XKR4: variants seen among roughly 807,000 people sequenced by gnomAD.
XKR4 encodes the protein XK-related protein 4.
Under a neutral mutation model 53.9 loss-of-function variants are expected in XKR4, and 12 were observed. The observed-to-expected ratio is 0.22, with a 90% CI of 0.14 to 0.36. The LOEUF (loss-of-function observed/expected upper bound fraction) is 0.36, where lower values mean the gene tolerates loss of function less well. Among genes scored for constraint, XKR4 ranks in the 10% least tolerant of loss-of-function variants. The pLI is 1.00. For synonymous variants in XKR4, 354 were observed against 362.4 expected (o/e 0.98, Z 0.26); for missense variants, 799 against 859.5 (o/e 0.93, Z 0.88).
intron 1 of XKR4, among the ~76,000 whole-genome samples, chr8:55,115,679 A>C (rs964962913): frequency 6.6e-6 from 1 of 152,034 alleles, no homozygotes; most frequent in Non-Finnish European, 1.5e-5. Context: ...GCTACTCTGG[A>C]GGCTAAGGCA....
At chr8:55,389,907 T>A (rs1359389590) in intron 2 of XKR4, among the ~76,000 whole-genome samples, 1 of 152,150 alleles carries the variant, frequency 6.6e-6, no homozygotes, top group African/African-American at 2.4e-5. Flanking sequence ...ATATTTCTCT[T>A]TCCCCCTCTC....
chr8:55,409,325 G>T (rs961209039), intron 2 of XKR4, among the ~76,000 whole-genome samples: 21 of 152,230 alleles, frequency 1.4e-4, no homozygotes, highest in Non-Finnish European at 2.2e-4. Flanking sequence ...CCGAGCTTGT[G>T]GGTGGTGAGA....
Position 55,454,589 on chromosome 8 carries a change from G to T in XKR4, c.1007-68692G>T, listed in dbSNP as rs193178868. On this transcript the variant is annotated intron_variant, in intron 2 of 2. Coordinates refer to ENST00000327381, the MANE Select transcript of XKR4 (RefSeq NM_052898.2). ...GCCAGTGGAGTCTGGATGACCTGCCGGTCACCAGCCCCCAAATAAATCGTC... is the reference window on the plus strand; with the variant it reads ...GCCAGTGGAGTCTGGATGACCTGCCTGTCACCAGCCCCCAAATAAATCGTC... 65 of 1,418,936 alleles carry T rather than the reference G, an allele frequency of 4.6e-5. No individual in the cohort carries two copies. The African/African-American group carries it at 8.2e-4, about 18-fold the overall frequency. 87.9% of individuals were successfully genotyped at this position (1,418,936 alleles called of 1,614,324 possible).
chr8:55,448,208 A>C (rs1407601113), intron 2 of XKR4, among the ~76,000 whole-genome samples: 1 of 152,232 alleles, frequency 6.6e-6, no homozygotes, highest in Non-Finnish European at 1.5e-5. Flanking sequence ...CAATTTATTA[A>C]ACTTCATTTT....
chr8:55,207,948 C>T (rs750694316), intron 1 of XKR4, among the ~76,000 whole-genome samples: 3 of 152,114 alleles, frequency 2.0e-5, no homozygotes, highest in South Asian at 2.1e-4. Context: ...TGTTTGGAGA[C>T]GACATTTGAC....
At chr8:55,169,646 A>G (rs1046743849) in intron 1 of XKR4, among the ~76,000 whole-genome samples, 10 of 152,226 alleles carry the variant, frequency 6.6e-5, no homozygotes, top group Non-Finnish European at 1.3e-4. Context: ...TGTCAGAAAC[A>G]CAGTAGTGTG....
At chr8:55,310,389 A>G (rs1819371715) in intron 1 of XKR4, among the ~76,000 whole-genome samples, 1 of 152,212 alleles carries the variant, frequency 6.6e-6, no homozygotes, top group Non-Finnish European at 1.5e-5. Flanking sequence ...TTCCTATTTT[A>G]TAGAACATTG....
intron 2 of XKR4, among the ~76,000 whole-genome samples, chr8:55,457,948 C>CA (rs34211333): frequency 0.13 from 19,655 of 151,684 alleles, 1,805 homozygotes; most frequent in East Asian, 0.41. Flanking sequence ...GAACTACACA[C>CA]AAAAAAACCA....
At chr8:55,355,428 G>T (rs896032042) in intron 1 of XKR4, among the ~76,000 whole-genome samples, 1 of 152,070 alleles carries the variant, frequency 6.6e-6, no homozygotes, top group South Asian at 2.1e-4. Context: ...GAAAGACAAA[G>T]CAATGGATTA....
intron 1 of XKR4, among the ~76,000 whole-genome samples, chr8:55,186,932 T>C (rs1270762780): frequency 6.6e-6 from 1 of 152,160 alleles, no homozygotes; most frequent in East Asian, 1.9e-4. Context: ...GAGCTATGAT[T>C]ACTAAAGAAG....
chr8:55,208,174 T>C (rs1817676853), intron 1 of XKR4, among the ~76,000 whole-genome samples: 1 of 152,206 alleles, frequency 6.6e-6, no homozygotes, highest in African/African-American at 2.4e-5. Context: ...TTGTATGTGG[T>C]CAGAGCACCT....
At chr8:55,151,529 A>T (rs1320029237) in intron 1 of XKR4, among the ~76,000 whole-genome samples, 1 of 152,220 alleles carries the variant, frequency 6.6e-6, no homozygotes, top group Non-Finnish European at 1.5e-5. Context: ...ATCTAGCTAT[A>T]TGACAAAAAA....
rs192857299 is a variant in XKR4, at chr8:55,541,662, T to C, written c.*17435T>C. ...GGACCTGAATGATCATCTTGGCAGT[T>C]CTTGTGCTTTTACTTTGTAAACATT... is the stretch of plus-strand genomic sequence containing the variant. On this transcript the variant is annotated 3_prime_UTR_variant, in exon 3 of 3. Transcript: ENST00000327381. The C allele has an allele frequency of 6.6e-6, 1 of 152,348 alleles. No individual in the cohort carries two copies. Among genetic ancestry groups the C allele is most frequent in the African/African-American group, 2.4e-5 (1 of 41,588 alleles). 9.4% of individuals were successfully genotyped at this position (152,348 alleles called of 1,614,324 possible).
chr8:55,447,928 T>C (rs1044153320), intron 2 of XKR4, among the ~76,000 whole-genome samples: 6 of 152,198 alleles, frequency 3.9e-5, no homozygotes, highest in Non-Finnish European at 7.3e-5. Context: ...CCTCTCACAG[T>C]AAATTGTGTC....
chr8:55,408,710 T>C (rs1028900521), intron 2 of XKR4, among the ~76,000 whole-genome samples: 44 of 152,108 alleles, frequency 2.9e-4, no homozygotes, highest in Non-Finnish European at 5.6e-4. Context: ...GGCCCCAGGC[T>C]CAAAGATGGA....
chr8:55,361,715 T>C (rs759254935), intron 2 of XKR4, among the ~76,000 whole-genome samples: 15 of 152,120 alleles, frequency 9.9e-5, no homozygotes, highest in Non-Finnish European at 1.9e-4. Flanking sequence ...TTCCAAGGCC[T>C]TTGTGTCACA....
chr8:55,426,483 G>A (rs934536021), intron 2 of XKR4, among the ~76,000 whole-genome samples: 4 of 152,096 alleles, frequency 2.6e-5, no homozygotes, highest in Non-Finnish European at 4.4e-5. Flanking sequence ...CATTTATCAC[G>A]GAACTTAATA....
chr8:55,362,444 A>C (rs969081971), intron 2 of XKR4, among the ~76,000 whole-genome samples: 3 of 152,188 alleles, frequency 2.0e-5, no homozygotes, highest in Admixed American at 1.3e-4. Flanking sequence ...GAACCTGGTG[A>C]CAATAAAATC....
chr8:55,108,928 G>A (rs1036928981), intron 1 of XKR4, among the ~76,000 whole-genome samples: 5 of 152,078 alleles, frequency 3.3e-5, no homozygotes, highest in African/African-American at 1.2e-4. Flanking sequence ...GATATGGGAG[G>A]GGTGAAAGCA....
Sources: allele counts gnomAD v4.1 joint callset (sites outside exome capture counted in the v4.1 genomes callset), GRCh38; gene constraint gnomAD v4.1.1; transcripts MANE v1.5; gene names NCBI Gene and HGNC (gene_info 2026-07-23, HGNC 2026-07-21).